Variants in PTPRR observed in about 807,000 individuals in gnomAD.
The protein encoded by PTPRR is receptor-type tyrosine-protein phosphatase R.
Under a neutral mutation model 77.2 loss-of-function variants are expected in PTPRR, and 38 were observed. The observed-to-expected ratio is 0.49, with a 90% CI of 0.38 to 0.65. The LOEUF (loss-of-function observed/expected upper bound fraction) is 0.65, where lower values mean the gene tolerates loss of function less well. Among genes scored for constraint, PTPRR ranks in the 30% least tolerant of loss-of-function variants. The pLI, the probability that PTPRR is intolerant of heterozygous loss-of-function variation, is 0.00. For missense variants in PTPRR, 744 were observed against 799.2 expected (o/e 0.93, Z 0.83); for synonymous variants, 299 against 283.1 (o/e 1.06, Z -0.57).
chr12:70,830,055 A>G lies in PTPRR; in HGVS notation c.357+62624T>C, dbSNP rs928997232. On this transcript the variant is annotated intron_variant, in intron 2 of 13. Transcript: ENST00000283228. ...CTCTAGGTCCAGCACTCATTCTCCTACTCTGCATTCCCTCCAAGGGAACAG... is the reference window on the plus strand; with the variant it reads ...CTCTAGGTCCAGCACTCATTCTCCTGCTCTGCATTCCCTCCAAGGGAACAG... Among the ~76,000 whole-genome samples, 3 of 152,132 alleles carry G rather than the reference A, an allele frequency of 2.0e-5. No individual in the cohort carries two copies. The East Asian group carries it at 5.8e-4, about 29-fold the overall frequency.
chr12:70,748,216 T>G (rs1428886789), intron 5 of PTPRR, among the ~76,000 whole-genome samples: 1 of 152,158 alleles, frequency 6.6e-6, no homozygotes, highest in Non-Finnish European at 1.5e-5. Context: ...AGCTATTGGA[T>G]GAGTTATGGA....
chr12:70,695,368 C>A (rs913581557), intron 8 of PTPRR, among the ~76,000 whole-genome samples: 1 of 152,112 alleles, frequency 6.6e-6, no homozygotes, highest in Non-Finnish European at 1.5e-5. Flanking sequence ...TTTTTGGATG[C>A]TTTCACCCAA....
intron 1 of PTPRR, among the ~76,000 whole-genome samples, chr12:70,912,129 T>G (rs1159183648): frequency 6.6e-6 from 1 of 152,206 alleles, no homozygotes; most frequent in East Asian, 1.9e-4. Context: ...TTGAAAGCCA[T>G]ACATTTACAT....
chr12:70,819,864 A>G (rs1036037971), intron 2 of PTPRR, among the ~76,000 whole-genome samples: 9 of 152,094 alleles, frequency 5.9e-5, no homozygotes, highest in African/African-American at 2.2e-4. Context: ...AGAATAATGT[A>G]AAGATATTTT....
At chr12:70,914,279 C>T (rs771098735) in intron 1 of PTPRR, among the ~76,000 whole-genome samples, 5 of 152,136 alleles carry the variant, frequency 3.3e-5, no homozygotes, top group Non-Finnish European at 5.9e-5. Flanking sequence ...AGACTGCCTT[C>T]CTAATGAGTT....
In PTPRR at chr12:70,672,997, T is replaced by C. The variant is rs775352855; in HGVS notation, c.1498-10392A>G. On this transcript the variant is annotated intron_variant, in intron 10 of 13. Transcript: ENST00000283228. ...CTCTTCTAGGTAGAAGGGAGAAGGA[T>C]AGAGCTCTCTTCAATAAATACGTCG... The C allele has an allele frequency of 6.8e-6, 9 of 1,320,518 alleles. No homozygotes were observed. The South Asian group carries it at 1.1e-4, about 17-fold the overall frequency. The allele number at this position is 1,320,518 out of a possible 1,614,324, so 81.8% of individuals were successfully genotyped here.
chr12:70,850,234 C>T (rs143709600), intron 2 of PTPRR, among the ~76,000 whole-genome samples: 4 of 151,826 alleles, frequency 2.6e-5, no homozygotes, highest in East Asian at 1.9e-4. Flanking sequence ...TGGTGGCGGG[C>T]GCCTATAGTC....
chr12:70,669,090 A>G (rs1397419785), intron 10 of PTPRR, among the ~76,000 whole-genome samples: 1 of 152,210 alleles, frequency 6.6e-6, no homozygotes, highest in East Asian at 1.9e-4. Context: ...GACATGGAGA[A>G]TACTCATAAT....
intron 1 of PTPRR, among the ~76,000 whole-genome samples, chr12:70,905,674 C>T (rs935767214): frequency 4.6e-5 from 7 of 151,832 alleles, no homozygotes; most frequent in Non-Finnish European, 8.8e-5. Context: ...CATTATGATT[C>T]ATTATTTCAA....
chr12:70,838,864 C>A (rs921858746), intron 2 of PTPRR, among the ~76,000 whole-genome samples: 1 of 152,046 alleles, frequency 6.6e-6, no homozygotes, highest in Non-Finnish European at 1.5e-5. Flanking sequence ...CTCTGTGGAC[C>A]CAGATTGCTA....
At chr12:70,715,635 C>T (rs954125510) in intron 6 of PTPRR, among the ~76,000 whole-genome samples, 1 of 152,168 alleles carries the variant, frequency 6.6e-6, no homozygotes, top group Admixed American at 6.5e-5. Context: ...CAGGGATGTT[C>T]CTTGCTGAGA....
At chr12:70,835,331 A>G (rs935021891) in intron 2 of PTPRR, among the ~76,000 whole-genome samples, 7 of 152,098 alleles carry the variant, frequency 4.6e-5, no homozygotes, top group Non-Finnish European at 8.8e-5. Context: ...AGGGATTACT[A>G]TAAATTCACT....
intron 8 of PTPRR, among the ~76,000 whole-genome samples, chr12:70,692,627 C>T (rs1254059020): frequency 6.6e-6 from 1 of 152,174 alleles, no homozygotes; most frequent in East Asian, 1.9e-4. Context: ...CTAGGGCAAT[C>T]TCCCAAATGT....
chr12:70,758,100 G>A (rs1513098), intron 4 of PTPRR, among the ~76,000 whole-genome samples: 56,971 of 152,024 alleles, frequency 0.37, 11,951 homozygotes, highest in African/African-American at 0.56. Flanking sequence ...TCAAACAAAA[G>A]GTTCAAATAA....
chr12:70,800,228 T>TC (rs1227062798), intron 2 of PTPRR, among the ~76,000 whole-genome samples: 1 of 150,940 alleles, frequency 6.6e-6, no homozygotes. Flanking sequence ...CTAAACCCTT[T>TC]CCCCCCTACC....
Position 70,684,803 on chromosome 12 carries a change from A to C in PTPRR, c.1280-20T>G. The C allele has an allele frequency of 6.5e-7, 1 of 1,531,818 alleles. No homozygotes were observed. Among genetic ancestry groups the C allele is most frequent in the Non-Finnish European group, 8.9e-7 (1 of 1,121,426 alleles). 94.9% of individuals were successfully genotyped at this position (1,531,818 alleles called of 1,614,324 possible). A position where few individuals can be genotyped will look rare whatever the true frequency, so the allele number is the denominator to read the frequency against. On this transcript the variant is annotated intron_variant, in intron 8 of 13. Transcript: ENST00000283228. ...GGGGATCTAATGAAGAAAACAAAAAAGAATATATTAAACAGATTTACCCTT... is the reference window on the plus strand; with the variant it reads ...GGGGATCTAATGAAGAAAACAAAAACGAATATATTAAACAGATTTACCCTT...
chr12:70,754,043 T>C (rs1890488804), intron 5 of PTPRR, 148 bp downstream of exon 5: 5 of 772,480 alleles, frequency 6.5e-6, no homozygotes, highest in Non-Finnish European at 6.1e-6. Flanking sequence ...ATCGCTCTGA[T>C]GTCAGATATG....
intron 3 of PTPRR, among the ~76,000 whole-genome samples, chr12:70,763,907 A>C (rs79396127): frequency 0.059 from 8,977 of 152,226 alleles, 307 homozygotes; most frequent in East Asian, 0.097. Context: ...GTTGCATGAA[A>C]TCCAGGTTCC....
chr12:70,699,799 G>T (rs1234973406), intron 7 of PTPRR, among the ~76,000 whole-genome samples: 3 of 152,188 alleles, frequency 2.0e-5, no homozygotes, highest in Non-Finnish European at 4.4e-5. Context: ...AAGCACGTCA[G>T]TGTCTTTGGG....
Sources: gnomAD v4.1 joint callset for allele counts (sites outside exome capture counted in the v4.1 genomes callset) on GRCh38, gnomAD v4.1.1 for gene constraint, MANE v1.5 for transcripts, NCBI Gene and HGNC (gene_info 2026-07-23, HGNC 2026-07-21) for gene names.